Variants in CD36 observed in about 807,000 individuals in gnomAD.
The protein encoded by CD36 is platelet glycoprotein 4.
CD36 carries 119 observed loss-of-function variants against 55.2 expected under a neutral mutation model. The ratio of observed to expected loss-of-function variants is 2.15; its 90% CI spans 1.86 to 2.51. CD36 has a LOEUF of 2.51. CD36 is among the 30% of genes most tolerant of loss of function. CD36 has a pLI of 0.00. For synonymous variants in CD36, 186 were observed against 193.6 expected (o/e 0.96, Z 0.33); for missense variants, 819 against 555.5 (o/e 1.47, Z -4.77).
chr7:80,655,227 T>C (rs970636899), intron 3 of CD36, among the ~76,000 whole-genome samples: 1 of 152,200 alleles, frequency 6.6e-6, no homozygotes, highest in Admixed American at 6.5e-5. Context: ...CTGGGCATTC[T>C]TCCCAATACT....
intron 1 of CD36, among the ~76,000 whole-genome samples, chr7:80,604,084 C>T (rs971953542): frequency 3.3e-5 from 5 of 152,014 alleles, no homozygotes; most frequent in African/African-American, 1.2e-4. Context: ...ACGCGCTTCA[C>T]AACAGGTTAC....
At position 80,667,028 on chromosome 7, in the gene CD36, G is replaced by A. The variant is rs538553775; in HGVS notation, c.748+539G>A. Among the ~76,000 whole-genome samples the A allele has an allele frequency of 1.2e-4, 19 of 152,288 alleles. No individual in the cohort carries two copies. In the East Asian group the frequency reaches 3.5e-3, roughly 28 times the overall value. On this transcript the variant is annotated intron_variant, in intron 8 of 14. Transcript: ENST00000447544. ...ACTGTGAAAAATATATGTAAAAAATGAGCATTCATAAACTTAGATTTAAGG... is the reference window on the plus strand; with the variant it reads ...ACTGTGAAAAATATATGTAAAAAATAAGCATTCATAAACTTAGATTTAAGG...
chr7:80,642,372 A>T (rs1037966480), intron 1 of CD36, among the ~76,000 whole-genome samples: 2 of 152,102 alleles, frequency 1.3e-5, no homozygotes, highest in African/African-American at 4.8e-5. Flanking sequence ...CATAACCCAA[A>T]TTTTTTTATG....
In CD36 at chr7:80,664,451, G is replaced by C; in HGVS notation, c.655G>C (p.Asp219His). Residue 219 changes from aspartate (D) to histidine (H), a missense_variant, in exon 7 of 15, where the codon GAT (aspartate) becomes CAT (histidine). Physicochemically the swap from Asp to His is moderately conservative, Grantham distance 81. Transcript: ENST00000447544. ...DGVYKVFNGK[D>H]NISKVAIIDT... ...AGTTTATAAAGTTTTCAATGGAAAA[G>C]ATAACATAAGTAAAGTTGCCATAAT... 1.9e-6 allele frequency: 3 copies of C among 1,582,832 alleles called. No individual in the cohort carries two copies. The highest frequency in any genetic ancestry group is 2.6e-6 in the Non-Finnish European group (3 of 1,151,784).
chr7:80,646,966 G>C, intron 3 of CD36, 106 bp downstream of exon 3: 1 of 1,267,782 alleles, frequency 7.9e-7, no homozygotes, highest in South Asian at 1.2e-5. Context: ...TGCTAATTTT[G>C]TATCTTTGAC....
chr7:80,676,608 GAC>G lies in CD36; in HGVS notation c.*227_*228del, dbSNP rs1220458671. The stretch of plus-strand genomic sequence containing the variant: ...TTCATGTGCACCAAATATTTTGAAA[GAC>G]ATTTATAAATAATTGGCTTATGACT... On this transcript the variant is annotated 3_prime_UTR_variant, in exon 15 of 15. Coordinates refer to ENST00000447544, the MANE Select transcript of CD36 (RefSeq NM_001001548.3). 1 of 152,076 alleles carries G rather than the reference GAC, an allele frequency of 6.6e-6. No individual in the cohort carries two copies. Among genetic ancestry groups the G allele is most frequent in the Non-Finnish European group, 1.5e-5 (1 of 68,018 alleles). The allele number at this position is 152,076 out of a possible 1,614,324, so 9.4% of individuals were successfully genotyped here.
At chr7:80,672,902 T>C in intron 12 of CD36, 59 bp downstream of exon 12, 1 of 1,087,772 alleles carries the variant, frequency 9.2e-7, no homozygotes. Flanking sequence ...TATCTTCTTG[T>C]AAGAACATGA....
At chr7:80,608,154 T>C (rs1792671005) in intron 1 of CD36, among the ~76,000 whole-genome samples, 1 of 152,204 alleles carries the variant, frequency 6.6e-6, no homozygotes, top group Admixed American at 6.5e-5. Flanking sequence ...AGGCTTGAAT[T>C]TATCCCAGCA....
upstream of CD36, among the ~76,000 whole-genome samples, chr7:80,636,024 A>T (rs1794374491): frequency 6.6e-6 from 1 of 152,092 alleles, no homozygotes; most frequent in African/African-American, 2.4e-5. Context: ...AGGCAGGTGC[A>T]AAGTTCAGTG....
In CD36 at chr7:80,661,053, A is replaced by G. The variant is rs3211892; in HGVS notation, c.282-10A>G. On this transcript the variant is annotated splice_polypyrimidine_tract_variant and intron_variant, in intron 4 of 14. Transcript: ENST00000447544. The stretch of plus-strand genomic sequence containing the variant: ...AATGTTTTGAATTTTGTTTACTGCT[A>G]TTTCTTTAGAGTTCGTTTTCTAGCC... 1,557,603 of 1,605,826 alleles carry G rather than the reference A, an allele frequency of 0.97. 756,819 individuals carry two copies. The highest frequency in any genetic ancestry group is 1 in the East Asian group (44,756 of 44,758).
chr7:80,608,433 T>C (rs1468856635), intron 1 of CD36, among the ~76,000 whole-genome samples: 2 of 152,190 alleles, frequency 1.3e-5, no homozygotes, highest in East Asian at 1.9e-4. Context: ...TCTGCTTCCC[T>C]ATCTGTAACA....
At position 80,666,483 on chromosome 7, in the gene CD36, G is replaced by A; in HGVS notation, c.742G>A (p.Gly248Ser). 1.2e-6 allele frequency: 2 copies of A among 1,606,676 alleles called. No individual in the cohort carries two copies. Among genetic ancestry groups the A allele is most frequent in the South Asian group, 1.1e-5 (1 of 90,896 alleles). Residue 248 changes from glycine to serine, a missense_variant, in exon 8 of 15, where the codon GGT (glycine) becomes AGT (serine). Transcript: ENST00000447544. ...YWESHCDMINGTDAASFPPFV... is the reference protein window; with the variant it reads ...YWESHCDMINSTDAASFPPFV... ...GGAAAGTCACTGCGACATGATTAATGGTACAGGTAAGAATATTTGTTTTGT... is the reference window on the plus strand; with the variant it reads ...GGAAAGTCACTGCGACATGATTAATAGTACAGGTAAGAATATTTGTTTTGT...
intron 7 of CD36, chr7:80,666,092 C>CTT (rs1247570847): frequency 3.5e-6 from 1 of 282,542 alleles, no homozygotes; most frequent in African/African-American, 2.2e-5. Context: ...ATTCTGAACA[C>CTT]TTATACTACT....
intron 1 of CD36, among the ~76,000 whole-genome samples, chr7:80,615,126 ACCACATT>A (rs1333441467): frequency 6.6e-6 from 1 of 152,124 alleles, no homozygotes. Flanking sequence ...CTAGAATGAG[ACCACATT>A]CCCTTCATCA....
In CD36 at chr7:80,663,170, G is replaced by A. The variant is rs755124649; in HGVS notation, c.609+1G>A. 5.0e-5 allele frequency: 81 copies of A among 1,609,666 alleles called. No individual in the cohort carries two copies. In the Middle Eastern group the frequency reaches 2.1e-3, roughly 43 times the overall value. On this transcript the variant is annotated splice_donor_variant, in intron 6 of 14. Coordinates refer to ENST00000447544, the MANE Select transcript of CD36 (RefSeq NM_001001548.3). LOFTEE classifies it high-confidence loss of function. ...TACCACAGTTGGTCTGTTTTATCCT[G>A]TAAGTACCAAATATGAATGGCAATA...
intron 1 of CD36, among the ~76,000 whole-genome samples, chr7:80,614,153 T>G (rs989080729): frequency 2.0e-5 from 3 of 152,204 alleles, no homozygotes; most frequent in Non-Finnish European, 4.4e-5. Flanking sequence ...ATTCTTAAAC[T>G]ACTTGTATAA....
At chr7:80,653,612 A>G (rs1795793505) in intron 3 of CD36, among the ~76,000 whole-genome samples, 1 of 152,172 alleles carries the variant, frequency 6.6e-6, no homozygotes, top group Non-Finnish European at 1.5e-5. Flanking sequence ...AGAAAATCTT[A>G]TATCACTTTT....
chr7:80,607,463 T>C (rs187382455), intron 1 of CD36, among the ~76,000 whole-genome samples: 2 of 152,252 alleles, frequency 1.3e-5, no homozygotes, highest in Admixed American at 6.5e-5. Flanking sequence ...ACTCTAAAAC[T>C]AAGATCTACT....
At chr7:80,606,630 G>C (rs1233401876) in intron 1 of CD36, among the ~76,000 whole-genome samples, 1 of 152,062 alleles carries the variant, frequency 6.6e-6, no homozygotes, top group Non-Finnish European at 1.5e-5. Context: ...ACTGAGTTTT[G>C]GATGAAGCCA....
Sources: allele counts gnomAD v4.1 joint callset (sites outside exome capture counted in the v4.1 genomes callset), GRCh38; gene constraint gnomAD v4.1.1; transcripts MANE v1.5; gene names NCBI Gene and HGNC (gene_info 2026-07-23, HGNC 2026-07-21).